FRMD4B: variants seen among roughly 807,000 people sequenced by gnomAD.
The protein encoded by FRMD4B is FERM domain-containing protein 4B.
Under a neutral mutation model 141.5 loss-of-function variants are expected in FRMD4B, and 74 were observed. The observed-to-expected ratio is 0.52, with a 90% CI of 0.43 to 0.63. FRMD4B has a LOEUF of 0.63. FRMD4B is among the 30% of genes least tolerant of loss of function. The pLI is 0.00. For synonymous variants in FRMD4B, 506 were observed against 467.9 expected, an observed-to-expected ratio of 1.08 and a Z score of -1.05; for missense variants, 1,366 against 1,253.4, an observed-to-expected ratio of 1.09 and a Z score of -1.36.
At chr3:69,363,344 C>T (rs1362437706) in intron 1 of FRMD4B, among the ~76,000 whole-genome samples, 7 of 150,058 alleles carry the variant, frequency 4.7e-5, no homozygotes, top group Non-Finnish European at 7.4e-5. Flanking sequence ...CTTGACCTCC[C>T]AAAGTGTTGG....
intron 5 of FRMD4B, among the ~76,000 whole-genome samples, chr3:69,268,136 A>G (rs548544443): frequency 6.6e-6 from 1 of 152,078 alleles, no homozygotes; most frequent in African/African-American, 2.4e-5. Context: ...GGCTGTCACA[A>G]GGTCAAATAT....
chr3:69,205,733 T>C (rs1297567065), intron 11 of FRMD4B, among the ~76,000 whole-genome samples: 3 of 152,202 alleles, frequency 2.0e-5, no homozygotes, highest in African/African-American at 7.2e-5. Context: ...GAGAACTATA[T>C]GGCCCTAAAT....
intron 7 of FRMD4B, among the ~76,000 whole-genome samples, chr3:69,233,927 C>T (rs189030392): frequency 1.2e-4 from 19 of 152,192 alleles, no homozygotes; most frequent in African/African-American, 3.6e-4. Flanking sequence ...AGAAATGGGA[C>T]AGGATTAGTG....
At chr3:69,249,065 C>T (rs988031993) in intron 7 of FRMD4B, among the ~76,000 whole-genome samples, 161 bp downstream of exon 7, 1 of 152,188 alleles carries the variant, frequency 6.6e-6, no homozygotes, top group African/African-American at 2.4e-5. Context: ...GATTCATTCA[C>T]AAAAAGAATA....
intron 7 of FRMD4B, among the ~76,000 whole-genome samples, chr3:69,247,562 C>G (rs7430534): frequency 0.068 from 10,340 of 152,238 alleles, 524 homozygotes; most frequent in African/African-American, 0.14. Flanking sequence ...TCTTGGCTCA[C>G]TGCAACCTTC....
chr3:69,419,382 C>G (rs989924091), intron 2 of FRMD4B, among the ~76,000 whole-genome samples: 1 of 151,970 alleles, frequency 6.6e-6, no homozygotes, highest in Non-Finnish European at 1.5e-5. Flanking sequence ...ATCTCATGCT[C>G]AGGCAGCCTC....
chr3:69,312,360 GCAGA>G (rs1483675833), intron 2 of FRMD4B, among the ~76,000 whole-genome samples: 2 of 152,186 alleles, frequency 1.3e-5, no homozygotes, highest in Admixed American at 6.6e-5. Context: ...AAAGAAACAG[GCAGA>G]CATCTAGACT....
chr3:69,213,955 G>A (rs144871012), intron 11 of FRMD4B, among the ~76,000 whole-genome samples: 12 of 152,076 alleles, frequency 7.9e-5, no homozygotes, highest in African/African-American at 2.9e-4. Flanking sequence ...TGGGATTACA[G>A]GCATGAGCCA....
upstream of FRMD4B, among the ~76,000 whole-genome samples, chr3:69,387,666 G>A (rs572223279): frequency 4.6e-5 from 7 of 152,252 alleles, no homozygotes; most frequent in African/African-American, 1.7e-4. Context: ...TTGATTTCAG[G>A]TATCAAATGT....
chr3:69,395,148 C>T (rs1379580258), intron 2 of FRMD4B, among the ~76,000 whole-genome samples: 5 of 151,582 alleles, frequency 3.3e-5, no homozygotes, highest in South Asian at 2.1e-4. Flanking sequence ...CAAACCTGCA[C>T]GTTCTGCACA....
chr3:69,451,796 C>A (rs557382097), intron 1 of FRMD4B, among the ~76,000 whole-genome samples: 1 of 152,292 alleles, frequency 6.6e-6, no homozygotes, highest in African/African-American at 2.4e-5. Flanking sequence ...ACACCAGTCC[C>A]AGCTCTGTAC....
intron 1 of FRMD4B, among the ~76,000 whole-genome samples, chr3:69,483,689 C>T (rs752676878): frequency 1.5e-4 from 23 of 152,112 alleles, no homozygotes; most frequent in Admixed American, 8.5e-4. Context: ...AAAATTGTTA[C>T]GGATCTCTTC....
At chr3:69,515,020 A>G (rs1379251588) in intron 1 of FRMD4B, among the ~76,000 whole-genome samples, 3 of 152,230 alleles carry the variant, frequency 2.0e-5, no homozygotes, top group African/African-American at 7.2e-5. Flanking sequence ...ACATACAAAT[A>G]GACCAATGGG....
intron 4 of FRMD4B, among the ~76,000 whole-genome samples, chr3:69,293,683 C>G (rs540214403): frequency 6.6e-6 from 1 of 152,100 alleles, no homozygotes; most frequent in African/African-American, 2.4e-5. Context: ...GAGTTCGAGA[C>G]CAGCCTGGCC....
chr3:69,465,492 C>G (rs7615650), intron 1 of FRMD4B, among the ~76,000 whole-genome samples: 2 of 151,896 alleles, frequency 1.3e-5, no homozygotes, highest in Admixed American at 6.6e-5. Flanking sequence ...CTGAACCCAT[C>G]GACTCATCAT....
intron 9 of FRMD4B, among the ~76,000 whole-genome samples, chr3:69,220,507 GC>G (rs2093183519): frequency 6.6e-6 from 1 of 152,128 alleles, no homozygotes; most frequent in Non-Finnish European, 1.5e-5. Flanking sequence ...ATTTCAAGAT[GC>G]TAACTTCTGA....
chr3:69,438,872 G>A (rs1002448095), intron 1 of FRMD4B, among the ~76,000 whole-genome samples: 1 of 152,016 alleles, frequency 6.6e-6, no homozygotes, highest in African/African-American at 2.4e-5. Context: ...CTATCCATGC[G>A]CCCATCAGTC....
chr3:69,520,417 T>G (rs529892684), intron 1 of FRMD4B, among the ~76,000 whole-genome samples: 1 of 139,886 alleles, frequency 7.1e-6, no homozygotes, highest in South Asian at 2.2e-4. Flanking sequence ...ATATATTTTT[T>G]CTGTGATATA....
At chr3:69,508,141 G>T (rs966486740) in intron 1 of FRMD4B, among the ~76,000 whole-genome samples, 1 of 152,014 alleles carries the variant, frequency 6.6e-6, no homozygotes, top group East Asian at 1.9e-4. Context: ...ATTAAAAGTT[G>T]TTCTTTCTCC....
Sources: allele counts gnomAD v4.1 joint callset (sites outside exome capture counted in the v4.1 genomes callset), GRCh38; gene constraint gnomAD v4.1.1; transcripts MANE v1.5; gene names NCBI Gene and HGNC (gene_info 2026-07-23, HGNC 2026-07-21).